MYH11: variants seen among roughly 807,000 people sequenced by gnomAD.
The protein encoded by MYH11 is myosin heavy chain 11.
In MYH11, 80 loss-of-function variants were observed where a neutral mutation model predicts 246.6. That is an observed-to-expected ratio of 0.32 (90% CI 0.27 to 0.39). The LOEUF (loss-of-function observed/expected upper bound fraction) is 0.39, where lower values mean the gene tolerates loss of function less well. Among genes scored for constraint, MYH11 ranks in the 10% least tolerant of loss-of-function variants. The probability of loss-of-function intolerance (pLI) is 1.00; values close to 1 mark genes in which losing one functional copy is unlikely to be tolerated. For missense variants in MYH11, 2,158 were observed against 2,546.8 expected (o/e 0.85, Z 3.29); for synonymous variants, 1,071 against 1,015.5 (o/e 1.05, Z -1.04).
chr16:15,788,431 G>A (rs1471797253), intron 4 of MYH11, among the ~76,000 whole-genome samples: 1 of 151,464 alleles, frequency 6.6e-6, no homozygotes. Context: ...ACCAAAGCTA[G>A]TACAGTCTCT....
chr16:15,781,941 G>T (rs190013481), intron 6 of MYH11, among the ~76,000 whole-genome samples: 43 of 152,290 alleles, frequency 2.8e-4, no homozygotes, highest in African/African-American at 9.4e-4. Flanking sequence ...CTTGGAGGAG[G>T]TGTGTGCCTG....
At chr16:15,793,051 C>T (rs932645857) in intron 4 of MYH11, among the ~76,000 whole-genome samples, 4 of 151,920 alleles carry the variant, frequency 2.6e-5, no homozygotes, top group South Asian at 2.1e-4. Flanking sequence ...CCATTTTAGA[C>T]GAAAGTTTAA....
At chr16:15,739,581 C>CA (rs1222287473) in intron 23 of MYH11, among the ~76,000 whole-genome samples, 1 of 152,158 alleles carries the variant, frequency 6.6e-6, no homozygotes, top group East Asian at 1.9e-4. Flanking sequence ...ACATCCAGCT[C>CA]AAAGAACTAA....
At chr16:15,829,490 C>G (rs981310771) in intron 2 of MYH11, among the ~76,000 whole-genome samples, 1 of 152,154 alleles carries the variant, frequency 6.6e-6, no homozygotes, top group Admixed American at 6.5e-5. Context: ...GCTCTTCCTC[C>G]CACATTATTC....
At chr16:15,738,171 G>A (rs1477741857) in intron 24 of MYH11, among the ~76,000 whole-genome samples, 1 of 152,000 alleles carries the variant, frequency 6.6e-6, no homozygotes, top group Non-Finnish European at 1.5e-5. Flanking sequence ...GGGATGATCT[G>A]CCATCCTCAA....
At chr16:15,832,538 T>C (rs763527966) in intron 2 of MYH11, among the ~76,000 whole-genome samples, 4 of 152,236 alleles carry the variant, frequency 2.6e-5, no homozygotes, top group Admixed American at 6.5e-5. Context: ...TTCTGCAGTG[T>C]CAGGTCCTCT....
chr16:15,815,314 T>C (rs1400663439), intron 3 of MYH11, among the ~76,000 whole-genome samples: 2 of 152,202 alleles, frequency 1.3e-5, no homozygotes. Context: ...CTGCATTAAA[T>C]ATCCTCTGAG....
At chr16:15,728,742 A>G (rs1485565371) in intron 27 of MYH11, among the ~76,000 whole-genome samples, 2 of 152,102 alleles carry the variant, frequency 1.3e-5, no homozygotes, top group Non-Finnish European at 2.9e-5. Flanking sequence ...TCTACTAAAA[A>G]TATAAAAATT....
intron 2 of MYH11, among the ~76,000 whole-genome samples, chr16:15,836,775 A>G (rs1383101972): frequency 1.6e-5 from 2 of 122,474 alleles, no homozygotes; most frequent in Non-Finnish European, 1.6e-5. Flanking sequence ...CCCAGGCTGG[A>G]GTGCAACGGC....
chr16:15,798,608 T>TTAA lies in MYH11; in HGVS notation c.530+51_530+52insTTA, dbSNP rs1555453669. On this transcript the variant is annotated intron_variant, in intron 4 of 40. Coordinates refer to ENST00000300036, the MANE Select transcript of MYH11 (RefSeq NM_002474.3). ...CATAGGTTGGATCTCGACTACAGATTAAAAAAAAAAAAAAACAAAAAAAAA... is the reference window on the plus strand; with the variant it reads ...CATAGGTTGGATCTCGACTACAGATTTAAAAAAAAAAAAAAAAACAAAAAAAAA... The TTAA allele has an allele frequency of 1.3e-5, 13 of 1,037,330 alleles. No homozygotes were observed. In the African/African-American group the frequency reaches 3.8e-4, roughly 31 times the overall value. The allele number at this position is 1,037,330 out of a possible 1,614,324, so 64.3% of individuals were successfully genotyped here.
chr16:15,784,923 T>C, intron 5 of MYH11: 1 of 566,506 alleles, frequency 1.8e-6, no homozygotes, highest in Non-Finnish European at 3.1e-6. Flanking sequence ...AGTCTCAACC[T>C]ACTGGGCTCA....
intron 19 of MYH11, among the ~76,000 whole-genome samples, chr16:15,746,554 A>G (rs1050427615): frequency 1.3e-5 from 2 of 152,076 alleles, no homozygotes; most frequent in African/African-American, 2.4e-5. Flanking sequence ...TCAGGGTCCT[A>G]CTGGTGAGGG....
chr16:15,706,185 C>G (rs1421128772), intron 40 of MYH11, among the ~76,000 whole-genome samples: 1 of 152,104 alleles, frequency 6.6e-6, no homozygotes, highest in Non-Finnish European at 1.5e-5. Context: ...GTAAACACTC[C>G]TAGCCCAGCT....
intron 5 of MYH11, chr16:15,782,679 A>G: frequency 1.7e-6 from 1 of 578,406 alleles, no homozygotes; most frequent in Non-Finnish European, 3.1e-6. Context: ...TCTAATAGCT[A>G]GGACATCTGC....
intron 1 of MYH11, among the ~76,000 whole-genome samples, chr16:15,842,091 T>A (rs2044067258): frequency 6.6e-6 from 1 of 152,136 alleles, no homozygotes; most frequent in African/African-American, 2.4e-5. Flanking sequence ...AAAAAACTAA[T>A]TTTAAGAACC....
chr16:15,824,099 A>G (rs939724946), intron 2 of MYH11, among the ~76,000 whole-genome samples: 2 of 144,000 alleles, frequency 1.4e-5, no homozygotes, highest in African/African-American at 5.4e-5. Context: ...GGATGCTGAC[A>G]ATCATATTAA....
chr16:15,718,461 G>A, intron 36 of MYH11, 23 bp from the exon 37 acceptor site: 1 of 1,543,398 alleles, frequency 6.5e-7, no homozygotes, highest in Non-Finnish European at 8.7e-7. Flanking sequence ...CGGCCATGGT[G>A]GGGGCCTCTA....
chr16:15,771,754 T>A, intron 8 of MYH11, 42 bp from the exon 9 acceptor site: 1 of 1,612,284 alleles, frequency 6.2e-7, no homozygotes, highest in Non-Finnish European at 8.5e-7. Context: ...TAAGACATAC[T>A]TCTAATTTCA....
In MYH11 at chr16:15,703,937, T is replaced by G; in HGVS notation, c.*54A>C. On this transcript the variant is annotated 3_prime_UTR_variant, in exon 41 of 41. Transcript: ENST00000300036. ...GGGTTGTTGTTGGGTTTTTTTTGTT[T>G]GTTTGTTTTGGTTTTTGGTTTTCTT... 6.2e-7 allele frequency: 1 copy of G among 1,612,918 alleles called. No individual in the cohort carries two copies. The highest frequency in any genetic ancestry group is 8.5e-7 in the Non-Finnish European group (1 of 1,179,352).
Sources: allele counts gnomAD v4.1 joint callset (sites outside exome capture counted in the v4.1 genomes callset), GRCh38; gene constraint gnomAD v4.1.1; transcripts MANE v1.5; gene names NCBI Gene and HGNC (gene_info 2026-07-23, HGNC 2026-07-21).